Variants in BRD4 observed in about 807,000 individuals in gnomAD.
BRD4 encodes the protein bromodomain containing 4.
Under a neutral mutation model 142.1 loss-of-function variants are expected in BRD4, and 16 were observed. The observed-to-expected ratio is 0.11, with a 90% confidence interval of 0.08 to 0.17. The LOEUF is 0.17. BRD4 is among the 10% of genes least tolerant of loss of function. The pLI, the probability that BRD4 is intolerant of heterozygous loss-of-function variation, is 1.00. For missense variants in BRD4, 1,424 were observed against 1,810.9 expected (o/e 0.79, Z 3.88); for synonymous variants, 833 against 707.5 (o/e 1.18, Z -2.82).
chr19:15,293,959 T>C (rs2047803774), intron 1 of BRD4, among the ~76,000 whole-genome samples: 2 of 152,242 alleles, frequency 1.3e-5, no homozygotes, highest in African/African-American at 4.8e-5. Flanking sequence ...ATCCAAGTTG[T>C]AGCATGTGAT....
At chr19:15,325,140 C>T (rs1028471770) in intron 1 of BRD4, among the ~76,000 whole-genome samples, 1 of 152,202 alleles carries the variant, frequency 6.6e-6, no homozygotes, top group East Asian at 1.9e-4. Flanking sequence ...TGCTGCCAAG[C>T]CCTGTGCTGT....
At position 15,244,456 on chromosome 19, in the gene BRD4, G is replaced by A. The variant is rs763074040; in HGVS notation, c.2356C>T (p.Pro786Ser). 2 of 1,346,316 alleles carry A rather than the reference G, an allele frequency of 1.5e-6. No homozygotes were observed. Among genetic ancestry groups the A allele is most frequent in the South Asian group, 2.5e-5 (2 of 81,216 alleles). The allele number at this position is 1,346,316 out of a possible 1,614,324, so 83.4% of individuals were successfully genotyped here. A position where few individuals can be genotyped will look rare whatever the true frequency, so the allele number is the denominator to read the frequency against. ...TTCATCGCCGGGGCTGCCTGCTGCG[G>A]CATGGAGGGTGGGGGAGGCGGGGGT... is the stretch of plus-strand genomic sequence containing the variant. Reference protein sequence around the residue: ...PPPPPPPPSMPQQAAPAMKSS... With the variant: ...PPPPPPPPSMSQQAAPAMKSS... Residue 786 changes from proline (P) to serine (S), a missense_variant, in exon 13 of 20, where the codon CCG becomes TCG. By Grantham distance (74) the Pro-to-Ser change is moderately conservative (BLOSUM62 -1). Coordinates refer to ENST00000679869, the MANE Select transcript of BRD4 (RefSeq NM_001379291.1).
intron 11 of BRD4, among the ~76,000 whole-genome samples, chr19:15,246,137 A>C (rs1279382488): frequency 6.6e-6 from 1 of 152,136 alleles, no homozygotes; most frequent in Non-Finnish European, 1.5e-5. Context: ...CCCCGCCTAA[A>C]ACCTGCATAC....
At chr19:15,282,083 C>G (rs1197873868) in intron 1 of BRD4, among the ~76,000 whole-genome samples, 2 of 152,152 alleles carry the variant, frequency 1.3e-5, no homozygotes, top group African/African-American at 4.8e-5. Flanking sequence ...CAGGGGCAGG[C>G]TAGGCTAACT....
At chr19:15,299,821 T>C (rs1019001552) in intron 1 of BRD4, among the ~76,000 whole-genome samples, 1 of 152,200 alleles carries the variant, frequency 6.6e-6, no homozygotes, top group Non-Finnish European at 1.5e-5. Context: ...GCCACCCACT[T>C]CTGCACTTCA....
chr19:15,242,482 C>A (rs1291764733), intron 14 of BRD4, among the ~76,000 whole-genome samples: 1 of 152,158 alleles, frequency 6.6e-6, no homozygotes, highest in Non-Finnish European at 1.5e-5. Flanking sequence ...GTGCTCCCCA[C>A]ACCATGGTTC....
intron 8 of BRD4, among the ~76,000 whole-genome samples, chr19:15,256,677 C>A (rs2047412729): frequency 6.6e-6 from 1 of 152,198 alleles, no homozygotes. Context: ...AACATCCTGG[C>A]TCAACCTCCT....
At chr19:15,296,835 A>C (rs1354601096) in intron 1 of BRD4, among the ~76,000 whole-genome samples, 1 of 152,218 alleles carries the variant, frequency 6.6e-6, no homozygotes, top group Non-Finnish European at 1.5e-5. Flanking sequence ...AGACTTCTCT[A>C]ATCTGAAGAG....
chr19:15,295,213 AGCACCTCATG>A (rs1374658365), intron 1 of BRD4, among the ~76,000 whole-genome samples: 1 of 152,144 alleles, frequency 6.6e-6, no homozygotes. Context: ...CTGTATCCCT[AGCACCTCATG>A]GCACTGGGCA....
chr19:15,266,012 C>G (rs1250833405), intron 4 of BRD4, among the ~76,000 whole-genome samples: 5 of 152,226 alleles, frequency 3.3e-5, no homozygotes, highest in Non-Finnish European at 7.3e-5. Context: ...CCCAGAAGCA[C>G]TGCCTTCTGA....
rs538873089 is a variant in BRD4 at position 15,284,919 on chromosome 19, A to G, written c.-34-11786T>C. On this transcript the variant is annotated intron_variant, in intron 1 of 19. Coordinates refer to ENST00000679869, the MANE Select transcript of BRD4 (RefSeq NM_001379291.1). ...TTCCACAAAGTAAATAACCCACAGA[A>G]GTCAAGCAGCCCAACTCTTACACTG... 2.6e-5 allele frequency among the ~76,000 whole-genome samples: 4 copies of G among 152,350 alleles called. No homozygotes were observed. In the East Asian group the frequency reaches 7.7e-4, roughly 29 times the overall value.
chr19:15,329,981 G>A (rs753130260), intron 1 of BRD4, among the ~76,000 whole-genome samples: 4 of 152,194 alleles, frequency 2.6e-5, no homozygotes, highest in Non-Finnish European at 5.9e-5. Flanking sequence ...AATGATTCTC[G>A]TTATTCTTAG....
At chr19:15,316,361 C>T (rs1032681407) in intron 1 of BRD4, among the ~76,000 whole-genome samples, 4 of 151,870 alleles carry the variant, frequency 2.6e-5, no homozygotes, top group East Asian at 1.9e-4. Flanking sequence ...AGGCCCGGAG[C>T]GGTGGATCAC....
At chr19:15,267,369 C>A (rs1417801041) in intron 4 of BRD4, 47 bp downstream of exon 4, 2 of 1,601,856 alleles carry the variant, frequency 1.2e-6, no homozygotes, top group East Asian at 4.5e-5. Context: ...GGAAAAGGGA[C>A]AAAGGTCGGG....
chr19:15,316,142 C>T (rs1423446586), intron 1 of BRD4, among the ~76,000 whole-genome samples: 4 of 115,156 alleles, frequency 3.5e-5, no homozygotes, highest in Non-Finnish European at 6.5e-5. Flanking sequence ...GGCGACAGAG[C>T]GAGACACCGT....
chr19:15,243,478 T>C lies in BRD4; in HGVS notation c.2591A>G (p.Asn864Ser). Residue 864 changes from asparagine (N) to serine (S), a missense_variant, in exon 14 of 20, where the codon AAC becomes AGC. Coordinates refer to ENST00000679869, the MANE Select transcript of BRD4 (RefSeq NM_001379291.1). Reference sequence around the variant, plus strand: ...CCGTGATGGCTGCTGGGGTAGTGCGTTGTGCAAAGCTGGAAGAACACAACA... The same window carrying C: ...CCGTGATGGCTGCTGGGGTAGTGCGCTGTGCAAAGCTGGAAGAACACAACA... ...HAVVSPPALH[N>S]ALPQQPSRPS... The C allele has an allele frequency of 6.4e-7, 1 of 1,565,782 alleles. No individual in the cohort carries two copies. The highest frequency in any genetic ancestry group is 8.6e-7 in the Non-Finnish European group (1 of 1,159,414).
intron 1 of BRD4, among the ~76,000 whole-genome samples, chr19:15,298,690 C>T (rs1482752380): frequency 6.9e-6 from 1 of 145,546 alleles, no homozygotes; most frequent in Admixed American, 6.9e-5. Flanking sequence ...CTCTCCTCAC[C>T]CCACCCTGAA....
Position 15,243,281 on chromosome 19 carries a change from G to C in BRD4, c.2788C>G (p.Leu930Val), listed in dbSNP as rs1270236666. The C allele has an allele frequency of 1.3e-6, 2 of 1,487,102 alleles. No individual in the cohort carries two copies. The highest frequency in any genetic ancestry group is 2.3e-5 in the Admixed American group (1 of 43,464). The allele number at this position is 1,487,102 out of a possible 1,614,324, so 92.1% of individuals were successfully genotyped here. A position where few individuals can be genotyped will look rare whatever the true frequency, so the allele number is the denominator to read the frequency against. ...ACCTTCTGCAGCTGCTGCAGGTACA[G>C]CTGCATCTGCATGGAGGTGAGGGGT... ...APPLTSMQMQ[L>V]YLQQLQKVQP... The change falls in exon 14 of 20, where the codon CTG (leucine) becomes GTG (valine). Residue 930 changes from leucine (L) to valine (V), a missense_variant. Physicochemically the swap from Leu to Val is conservative, Grantham distance 32. Around this residue, in one of 16 missense-constraint regions of BRD4, gnomAD observed 598 missense variants for 647.8 expected, o/e 0.92. Transcript: ENST00000679869.
chr19:15,256,013 C>A, intron 9 of BRD4, 51 bp downstream of exon 9: 1 of 1,601,818 alleles, frequency 6.2e-7, no homozygotes, highest in South Asian at 1.1e-5. Flanking sequence ...AGTCTCAGAG[C>A]AAGCCCTGGA....
Sources: gnomAD v4.1 joint callset for allele counts (sites outside exome capture counted in the v4.1 genomes callset) on GRCh38, gnomAD v4.1.1 for gene constraint, gnomAD v4.1.1 regional missense constraint, MANE v1.5 for transcripts, NCBI Gene and HGNC (gene_info 2026-07-23, HGNC 2026-07-21) for gene names.